The following C11orf21 variants were observed in gnomAD, a reference collection of about 807,000 sequenced individuals.
C11orf21 encodes chromosome 11 open reading frame 21.
In C11orf21, 19 loss-of-function variants were observed where a neutral mutation model predicts 15.2. That is an observed-to-expected ratio of 1.25 (90% CI 0.87 to 1.84). The LOEUF is 1.84. Among genes scored for constraint, C11orf21 ranks in the 40% most tolerant of loss-of-function variants. The probability of loss-of-function intolerance (pLI) is 0.00; values close to 1 mark genes in which losing one functional copy is unlikely to be tolerated. For missense variants in C11orf21, 171 were observed against 174.4 expected (o/e 0.98, Z 0.11); for synonymous variants, 62 against 66.8 (o/e 0.93, Z 0.35).
chr11:2,302,112 G>T, upstream of C11orf21: 1 of 1,485,208 alleles, frequency 6.7e-7, no homozygotes, highest in East Asian at 2.4e-5. Flanking sequence ...CCACAGGGAG[G>T]GGAAGGGAGG....
chr11:2,298,691 C>T (rs1847591269), intron 3 of C11orf21, among the ~76,000 whole-genome samples: 1 of 152,178 alleles, frequency 6.6e-6, no homozygotes, highest in South Asian at 2.1e-4. Flanking sequence ...GGACAGCAGG[C>T]TTGGTGGTGC....
At position 2,299,653 on chromosome 11, in the gene C11orf21, C is replaced by T. The variant is rs1282572525; in HGVS notation, c.202G>A (p.Ala68Thr). Residue 68 changes from alanine (A) to threonine (T), a missense_variant, in exon 3 of 4, where the codon GCC (alanine) becomes ACC (threonine). Transcript: ENST00000381153. ...TGAGCGGTGGCAGGTGGAACAAGGG[C>T]ACCATGGGCGGAGGGTTGGGCAGCT... ...PAAAQPSAHGALVPPATAHEP... is the reference protein window; with the variant it reads ...PAAAQPSAHGTLVPPATAHEP... The T allele has an allele frequency of 4.5e-6, 7 of 1,551,006 alleles. No homozygotes were observed. The Admixed American group carries it at 1.2e-4, about 26-fold the overall frequency.
chr11:2,302,113 G>A (rs1410841175), upstream of C11orf21: 2 of 1,486,344 alleles, frequency 1.3e-6, no homozygotes, highest in East Asian at 4.7e-5. Flanking sequence ...CACAGGGAGG[G>A]GAAGGGAGGG....
At position 2,299,464 on chromosome 11, in the gene C11orf21, G is replaced by A. The variant is rs1847619970; in HGVS notation, c.391C>T (p.Pro131Ser). Reference protein sequence around the residue: ...CPRARRWQPLPS With the variant: ...CPRARRWQPLSS ...AGAAAAGGGTCCCTGTCTCAGGAAG[G>A]TAGAGGCTGCCACCTCCTGGCCCGA... The change falls in exon 3 of 4, where the codon CCT becomes TCT. Residue 131 changes from proline to serine, a missense_variant. By Grantham distance (74) the Pro-to-Ser change is moderately conservative. Coordinates refer to ENST00000381153, the MANE Select transcript of C11orf21 (RefSeq NM_001329958.2). The A allele has an allele frequency of 4.5e-6, 7 of 1,550,188 alleles. No individual in the cohort carries two copies. Among genetic ancestry groups the A allele is most frequent in the East Asian group, 2.4e-5 (1 of 40,924 alleles).
rs931792446 is a variant in C11orf21, at chr11:2,299,418, G to C, written c.*28+10C>G. The C allele has an allele frequency of 1.3e-6, 2 of 1,544,850 alleles. No homozygotes were observed. The highest frequency in any genetic ancestry group is 2.4e-5 in the South Asian group (2 of 83,978). On this transcript the variant is annotated intron_variant, in intron 3 of 3. Coordinates refer to ENST00000381153, the MANE Select transcript of C11orf21 (RefSeq NM_001329958.2). ...CCCCCAGGCTCCAGCCTCAGAGCCC[G>C]GCTGCTCACCTCTGATGGACAGAAA...
chr11:2,302,075 G>A (rs564849421), upstream of C11orf21: 6 of 1,491,106 alleles, frequency 4.0e-6, no homozygotes, highest in South Asian at 2.8e-5. Context: ...AGTGAGCTGC[G>A]GTCTGAGGCC....
At chr11:2,298,561 C>T (rs1847586571) in intron 3 of C11orf21, among the ~76,000 whole-genome samples, 1 of 152,196 alleles carries the variant, frequency 6.6e-6, no homozygotes, top group African/African-American at 2.4e-5. Flanking sequence ...CAGTCCTGCC[C>T]AGGCCCGGGG....
intron 1 of C11orf21, 57 bp from the exon 2 acceptor site, chr11:2,300,670 G>GAA (rs1847696826): frequency 6.5e-7 from 1 of 1,549,836 alleles, no homozygotes; most frequent in Non-Finnish European, 8.7e-7. Context: ...GCCCTGCTCC[G>GAA]AAATTCTTCA....
At chr11:2,301,053 G>A (rs1196497527) in intron 1 of C11orf21, 1 of 439,584 alleles carries the variant, frequency 2.3e-6, no homozygotes. Flanking sequence ...GTGCTGGGCT[G>A]GACGGGGGTC....
upstream of C11orf21, chr11:2,303,018 A>G (rs1847854716): frequency 6.7e-7 from 1 of 1,484,610 alleles, no homozygotes; most frequent in Non-Finnish European, 9.3e-7. Flanking sequence ...GGTGGCTGGC[A>G]CGAGCCCAGC....
intron 3 of C11orf21, 30 bp downstream of exon 3, chr11:2,299,397 CA>C (rs991952212): frequency 2.6e-6 from 4 of 1,537,524 alleles, no homozygotes; most frequent in Non-Finnish European, 3.5e-6. Context: ...CAGGGGCCCC[CA>C]GGCTCCAGCC....
upstream of C11orf21, chr11:2,303,106 G>A (rs1243818995): frequency 5.9e-6 from 4 of 682,376 alleles, no homozygotes; most frequent in Admixed American, 2.9e-5. Context: ...GGGCTGCCCT[G>A]GAGTCCTAGC....
chr11:2,300,418 G>T, intron 2 of C11orf21, 102 bp downstream of exon 2: 1 of 750,376 alleles, frequency 1.3e-6, no homozygotes. Flanking sequence ...TCTTGCAGAG[G>T]GAATGTTGGG....
chr11:2,301,167 C>A (rs1262680576), intron 1 of C11orf21: 2 of 266,676 alleles, frequency 7.5e-6, no homozygotes, highest in Non-Finnish European at 1.5e-5. Flanking sequence ...GGCAGCTGGG[C>A]CCTCTTCCCA....
chr11:2,302,092 C>T, upstream of C11orf21: 1 of 1,487,362 alleles, frequency 6.7e-7, no homozygotes, highest in African/African-American at 1.4e-5. Flanking sequence ...GGCCCCTGCC[C>T]AGCTGGAAAC....
chr11:2,300,076 G>C (rs73404479), intron 2 of C11orf21, among the ~76,000 whole-genome samples: 2,646 of 127,670 alleles, frequency 0.021, 123 homozygotes, highest in African/African-American at 0.076. Context: ...AGAGCAGGTG[G>C]GCAGGGGTGT....
chr11:2,300,505 G>C lies in C11orf21; in HGVS notation c.147+15C>G. 2 of 1,516,422 alleles carry C rather than the reference G, an allele frequency of 1.3e-6. No homozygotes were observed. Among genetic ancestry groups the C allele is most frequent in the African/African-American group, 1.4e-5 (1 of 71,686 alleles). The allele number at this position is 1,516,422 out of a possible 1,614,324, so 93.9% of individuals were successfully genotyped here. A position where few individuals can be genotyped will look rare whatever the true frequency, so the allele number is the denominator to read the frequency against. On this transcript the variant is annotated intron_variant, in intron 2 of 3. Coordinates refer to ENST00000381153, the MANE Select transcript of C11orf21 (RefSeq NM_001329958.2). ...CCCCGCTGGTGGGGCACAGTGAGGG[G>C]GGCTGTGGTCAGACCTGGTCTCTGG... is the stretch of plus-strand genomic sequence containing the variant.
chr11:2,299,992 C>T (rs1368540802), intron 2 of C11orf21, among the ~76,000 whole-genome samples: 2 of 148,840 alleles, frequency 1.3e-5, no homozygotes, highest in African/African-American at 5.0e-5. Context: ...CAGCTGTCCT[C>T]CTGGGCCAGC....
upstream of C11orf21, chr11:2,301,962 C>A: frequency 1.3e-6 from 2 of 1,491,752 alleles, no homozygotes; most frequent in African/African-American, 1.4e-5. Flanking sequence ...ACCTCACTGC[C>A]CCTCCCCTTC....
Sources: allele counts gnomAD v4.1 joint callset (sites outside exome capture counted in the v4.1 genomes callset), GRCh38; gene constraint gnomAD v4.1.1; transcripts MANE v1.5; gene names NCBI Gene and HGNC (gene_info 2026-07-23, HGNC 2026-07-21).